Variants in STRBP observed in about 807,000 individuals in gnomAD.
STRBP encodes the protein spermatid perinuclear RNA-binding protein.
Under a neutral mutation model 80.1 loss-of-function variants are expected in STRBP, and 13 were observed. That is an observed-to-expected ratio of 0.16 (90% CI 0.11 to 0.26). The LOEUF (loss-of-function observed/expected upper bound fraction) is 0.26. Among genes scored for constraint, STRBP ranks in the 10% least tolerant of loss-of-function variants. The pLI is 1.00. For missense variants in STRBP, 485 were observed against 815.2 expected, an observed-to-expected ratio of 0.59 and a Z score of 4.93; for synonymous variants, 284 against 291.2, an observed-to-expected ratio of 0.98 and a Z score of 0.25.
chr9:123,233,048 C>CA, intron 2 of STRBP, among the ~76,000 whole-genome samples: 1 of 152,276 alleles, frequency 6.6e-6, no homozygotes, highest in South Asian at 2.1e-4. Context: ...GGCACACTAA[C>CA]AGTTATACAT....
intron 6 of STRBP, chr9:123,168,096 T>C (rs1021514923): frequency 8.5e-6 from 4 of 469,662 alleles, no homozygotes; most frequent in Middle Eastern, 1.1e-3. Context: ...CTCATCTCCT[T>C]ATACTCAAAT....
At chr9:123,169,732 G>A (rs1385050088) in intron 6 of STRBP, among the ~76,000 whole-genome samples, 170 bp downstream of exon 6, 1 of 152,036 alleles carries the variant, frequency 6.6e-6, no homozygotes, top group Non-Finnish European at 1.5e-5. Context: ...AAAATATACT[G>A]ATTATGTAGA....
chr9:123,161,425 A>G (rs1198244673), intron 6 of STRBP, among the ~76,000 whole-genome samples: 5 of 152,236 alleles, frequency 3.3e-5, no homozygotes, highest in Non-Finnish European at 7.3e-5. Context: ...CAGGATGCAA[A>G]GAAGGGAAAT....
intron 1 of STRBP, among the ~76,000 whole-genome samples, chr9:123,239,871 A>G (rs1247773269): frequency 6.6e-6 from 1 of 152,210 alleles, no homozygotes; most frequent in African/African-American, 2.4e-5. Context: ...TTGAAGCTAT[A>G]AACAGTCTTA....
intron 3 of STRBP, among the ~76,000 whole-genome samples, chr9:123,183,284 A>C (rs2038563820): frequency 1.3e-5 from 2 of 151,918 alleles, no homozygotes; most frequent in Non-Finnish European, 2.9e-5. Flanking sequence ...AAAATAAAAA[A>C]AATTAGCTGG....
chr9:123,159,142 G>A lies in STRBP; in HGVS notation c.789C>T (p.Ala263=). The change falls in exon 9 of 19, where the codon GCC becomes GCT. Residue 263 remains alanine (A), a synonymous_variant. Coordinates refer to ENST00000348403, the MANE Select transcript of STRBP (RefSeq NM_018387.5). Reference sequence around the variant, plus strand: ...CCAAACACTCCATTACTCGTCTCAAGGCCTCCCCAGCGCCCAAAGGTCTAT... The same window carrying A: ...CCAAACACTCCATTACTCGTCTCAAAGCCTCCCCAGCGCCCAAAGGTCTAT... ...TCNRPLGAGE[A]LRRVMECLAS... The A allele has an allele frequency of 1.2e-6, 2 of 1,613,600 alleles. No individual in the cohort carries two copies. The highest frequency in any genetic ancestry group is 1.7e-6 in the Non-Finnish European group (2 of 1,179,624).
At chr9:123,199,105 C>T (rs779922024) in intron 2 of STRBP, among the ~76,000 whole-genome samples, 20 of 152,142 alleles carry the variant, frequency 1.3e-4, no homozygotes, top group African/African-American at 3.9e-4. Context: ...CCACCACATC[C>T]GGCTAATTTT....
intron 2 of STRBP, among the ~76,000 whole-genome samples, chr9:123,198,846 TC>T (rs1454225600): frequency 2.6e-5 from 4 of 152,218 alleles, no homozygotes; most frequent in Non-Finnish European, 4.4e-5. Context: ...TTAAATAGTG[TC>T]CATTCCCCAA....
intron 2 of STRBP, among the ~76,000 whole-genome samples, chr9:123,204,222 C>T (rs1303404235): frequency 6.6e-6 from 1 of 152,146 alleles, no homozygotes; most frequent in Non-Finnish European, 1.5e-5. Context: ...CAGTAAAGAA[C>T]AGATAAATTT....
chr9:123,115,347 A>G lies in STRBP; in HGVS notation c.*84+582T>C. Reference sequence around the variant, plus strand: ...GCTCCTCTCCTGCCCTCGGCGGGAGACCTGGGAACGGGCCTGCCAGCGCCC... The same window carrying G: ...GCTCCTCTCCTGCCCTCGGCGGGAGGCCTGGGAACGGGCCTGCCAGCGCCC... On this transcript the variant is annotated intron_variant and NMD_transcript_variant, in intron 3 of 3. Coordinates refer to the STRBP transcript ENST00000471564. The surrounding 1 kb of genome is among the most constrained non-coding windows in gnomAD (Gnocchi z 5.0). The G allele has an allele frequency of 2.1e-6, 1 of 470,832 alleles. No homozygotes were observed. Among genetic ancestry groups the G allele is most frequent in the South Asian group, 1.5e-5 (1 of 64,542 alleles). 29.2% of individuals were successfully genotyped at this position (470,832 alleles called of 1,614,324 possible).
intron 3 of STRBP, 77 bp downstream of exon 3, chr9:123,184,055 C>A: frequency 6.9e-7 from 1 of 1,449,028 alleles, no homozygotes; most frequent in South Asian, 1.2e-5. Flanking sequence ...TTCATTTGCC[C>A]TCACTGTTAA....
intron 1 of STRBP, among the ~76,000 whole-genome samples, chr9:123,240,358 C>T (rs184610254): frequency 6.4e-4 from 98 of 152,216 alleles, no homozygotes; most frequent in African/African-American, 1.4e-3. Context: ...AGAGATCCTG[C>T]ATTTTCTTTA....
chr9:123,169,360 G>A lies in STRBP; in HGVS notation c.535+542C>T, dbSNP rs150511320. Among the ~76,000 whole-genome samples the A allele has an allele frequency of 2.6e-4, 40 of 151,910 alleles. No homozygotes were observed. The East Asian group carries it at 4.5e-3, about 17-fold the overall frequency. ...ATTTTTTTGTATTTTCAGTAGAGACGGGGTTTTGCCAAGTTGGCCAGGTTG... is the reference window on the plus strand; with the variant it reads ...ATTTTTTTGTATTTTCAGTAGAGACAGGGTTTTGCCAAGTTGGCCAGGTTG... On this transcript the variant is annotated intron_variant, in intron 6 of 18. Transcript: ENST00000348403.
intron 17 of STRBP, among the ~76,000 whole-genome samples, chr9:123,130,397 A>G (rs2036085153): frequency 6.6e-6 from 1 of 152,182 alleles, no homozygotes; most frequent in Non-Finnish European, 1.5e-5. Flanking sequence ...AGGGAGGTCA[A>G]TGCAATGACA....
At chr9:123,198,985 G>A (rs113568240) in intron 2 of STRBP, among the ~76,000 whole-genome samples, 10 of 152,108 alleles carry the variant, frequency 6.6e-5, no homozygotes, top group African/African-American at 2.2e-4. Context: ...TGACTCTGTC[G>A]CCAGGCTGGA....
rs189970424 is a variant in STRBP, at chr9:123,244,067, C to T, written c.-301-7101G>A. On this transcript the variant is annotated intron_variant, in intron 1 of 18. Coordinates refer to ENST00000348403, the MANE Select transcript of STRBP (RefSeq NM_018387.5). Reference sequence around the variant, plus strand: ...GGATAAACAAATTGTGATATAATCACAGTTGAATACTGTGGTTCATCCACT... The same window carrying T: ...GGATAAACAAATTGTGATATAATCATAGTTGAATACTGTGGTTCATCCACT... 3.9e-5 allele frequency among the ~76,000 whole-genome samples: 6 copies of T among 152,260 alleles called. No individual in the cohort carries two copies. The East Asian group carries it at 1.2e-3, about 29-fold the overall frequency.
chr9:123,238,803 G>A (rs1370011869), intron 1 of STRBP, among the ~76,000 whole-genome samples: 1 of 152,032 alleles, frequency 6.6e-6, no homozygotes, highest in Non-Finnish European at 1.5e-5. Context: ...AAAGAGAAAA[G>A]CTATAACAGA....
intron 17 of STRBP, among the ~76,000 whole-genome samples, chr9:123,129,412 A>C (rs1443657917): frequency 6.6e-6 from 1 of 152,222 alleles, no homozygotes; most frequent in Non-Finnish European, 1.5e-5. Context: ...AAATTTCTAA[A>C]GTAGAACAAG....
At chr9:123,204,923 CAAAAAAAA>C (rs34576355) in intron 2 of STRBP, among the ~76,000 whole-genome samples, 1 of 54,566 alleles carries the variant, frequency 1.8e-5, no homozygotes, top group African/African-American at 6.1e-5. Context: ...GACTCCATCT[CAAAAAAAA>C]AAAAAAAAAA....
Sources: gnomAD v4.1 joint callset for allele counts (sites outside exome capture counted in the v4.1 genomes callset) on GRCh38, gnomAD v4.1.1 for gene constraint, Gnocchi (gnomAD v3.1) non-coding constraint, MANE v1.5 for transcripts, NCBI Gene and HGNC (gene_info 2026-07-23, HGNC 2026-07-21) for gene names.